Variants in GPR158 observed in about 807,000 individuals in gnomAD.
The protein encoded by GPR158 is G protein-coupled receptor 158, also known as metabotropic glycine receptor.
A neutral mutation model predicts 78.2 loss-of-function variants in GPR158; 30 were observed. That is an observed-to-expected ratio of 0.38 (90% confidence interval 0.29 to 0.52). The LOEUF is 0.52. GPR158 is among the 20% of genes least tolerant of loss of function. GPR158 has a pLI of 0.83. For missense variants in GPR158, 1,463 were observed against 1,523.5 expected, an observed-to-expected ratio of 0.96 and a Z score of 0.66; for synonymous variants, 581 against 591.1, an observed-to-expected ratio of 0.98 and a Z score of 0.25.
intron 2 of GPR158, among the ~76,000 whole-genome samples, chr10:25,290,463 A>G (rs76592919): frequency 0.011 from 1,744 of 152,318 alleles, 36 homozygotes; most frequent in African/African-American, 0.04. Flanking sequence ...TAAGAGCAGA[A>G]GAGGACAATT....
At chr10:25,442,454 A>T (rs1835080684) in intron 4 of GPR158, among the ~76,000 whole-genome samples, 1 of 151,918 alleles carries the variant, frequency 6.6e-6, no homozygotes, top group Admixed American at 6.6e-5. Context: ...TGAACCCAGA[A>T]CCCTCTCTTC....
intron 4 of GPR158, among the ~76,000 whole-genome samples, chr10:25,458,879 G>A (rs1020949554): frequency 6.6e-6 from 1 of 151,966 alleles, no homozygotes; most frequent in Non-Finnish European, 1.5e-5. Context: ...CTTTTTTATT[G>A]CTGAGAATTC....
chr10:25,266,920 C>G (rs1483599547), intron 2 of GPR158, among the ~76,000 whole-genome samples: 1 of 152,058 alleles, frequency 6.6e-6, no homozygotes, highest in East Asian at 1.9e-4. Context: ...ATTGTTTTAT[C>G]TTAATTTTGC....
chr10:25,253,730 T>C (rs1021520325), intron 2 of GPR158, among the ~76,000 whole-genome samples: 1 of 152,178 alleles, frequency 6.6e-6, no homozygotes, highest in African/African-American at 2.4e-5. Flanking sequence ...TTCTGAGCTG[T>C]GTTGCAATTA....
At chr10:25,421,059 C>T (rs2130560764) in intron 4 of GPR158, among the ~76,000 whole-genome samples, 1 of 152,264 alleles carries the variant, frequency 6.6e-6, no homozygotes, top group Non-Finnish European at 1.5e-5. Flanking sequence ...GTAGTATTGA[C>T]ATCTTAACAG....
intron 4 of GPR158, among the ~76,000 whole-genome samples, chr10:25,427,913 T>G (rs1323788841): frequency 6.6e-6 from 1 of 152,106 alleles, no homozygotes; most frequent in East Asian, 1.9e-4. Context: ...TTCATGGTTT[T>G]AATGAATTTA....
At chr10:25,253,145 T>G (rs906348149) in intron 2 of GPR158, among the ~76,000 whole-genome samples, 2 of 152,242 alleles carry the variant, frequency 1.3e-5, no homozygotes, top group Admixed American at 6.5e-5. Flanking sequence ...GCTTCCCAGG[T>G]GAGGCAATGC....
intron 2 of GPR158, among the ~76,000 whole-genome samples, chr10:25,246,700 C>G (rs150134721): frequency 1.3e-5 from 2 of 152,248 alleles, no homozygotes; most frequent in Non-Finnish European, 2.9e-5. Context: ...CTTCTAAATA[C>G]TAGACCTGGC....
intron 7 of GPR158, among the ~76,000 whole-genome samples, chr10:25,574,269 A>C (rs1837057624): frequency 6.6e-6 from 1 of 152,020 alleles, no homozygotes. Flanking sequence ...GAGACCTTTA[A>C]AAAATTTATT....
Position 25,176,052 on chromosome 10 carries a change from C to T in GPR158, c.632C>T (p.Pro211Leu). ...CTCCAAGACCTGTCCTCCTCCGCAC[C>T]CCACCTGGCCAACGCCACTCTGGAG... ...ILLQDLSSSA[P>L]HLANATLETE... The change falls in exon 1 of 11, where the codon CCC (proline) becomes CTC (leucine). Residue 211 changes from proline to leucine, a missense_variant. By Grantham distance (98) the Pro-to-Leu change is moderately conservative. Transcript: ENST00000376351. This position sits in a 1 kb window ranked among gnomAD's most constrained non-coding sequence, Gnocchi z 6.3. 6.2e-7 allele frequency: 1 copy of T among 1,607,796 alleles called. No homozygotes were observed. Among genetic ancestry groups the T allele is most frequent in the Non-Finnish European group, 8.5e-7 (1 of 1,177,616 alleles).
At position 25,253,267 on chromosome 10, in the gene GPR158, C is replaced by T. The variant is rs765888920; in HGVS notation, c.1008+32110C>T. On this transcript the variant is annotated intron_variant, in intron 2 of 10. Transcript: ENST00000376351. The stretch of plus-strand genomic sequence containing the variant: ...CCTCAGATGGAAATGCAGAAATCAC[C>T]GGTCTTCTGCGTCGGTCACGCTGGG... Among the ~76,000 whole-genome samples the T allele has an allele frequency of 3.3e-5, 5 of 152,122 alleles. No individual in the cohort carries two copies. The South Asian group carries it at 6.2e-4, about 19-fold the overall frequency.
intron 5 of GPR158, among the ~76,000 whole-genome samples, chr10:25,499,018 A>C (rs1027007521): frequency 6.6e-6 from 1 of 152,220 alleles, no homozygotes; most frequent in African/African-American, 2.4e-5. Context: ...GGAAGAATAC[A>C]GAATTGAATT....
intron 1 of GPR158, among the ~76,000 whole-genome samples, chr10:25,211,654 A>G (rs1853132499): frequency 6.6e-6 from 1 of 152,208 alleles, no homozygotes; most frequent in Non-Finnish European, 1.5e-5. Context: ...TCTGGGGGAC[A>G]CATTTAAGCC....
chr10:25,338,464 G>A (rs1033620569), intron 2 of GPR158, among the ~76,000 whole-genome samples: 8 of 131,016 alleles, frequency 6.1e-5, no homozygotes, highest in African/African-American at 1.3e-4. Flanking sequence ...TATATATTAC[G>A]TATATTATAC....
intron 2 of GPR158, among the ~76,000 whole-genome samples, chr10:25,323,076 A>G (rs538937638): frequency 6.6e-6 from 1 of 152,102 alleles, no homozygotes; most frequent in African/African-American, 2.4e-5. Context: ...CGATCTCCTG[A>G]CCTTGTGATC....
chr10:25,380,584 C>T (rs986519131), intron 2 of GPR158, among the ~76,000 whole-genome samples: 2 of 152,066 alleles, frequency 1.3e-5, no homozygotes, highest in Admixed American at 1.3e-4. Context: ...TTGTAAGTTA[C>T]ATTCATCTTC....
intron 2 of GPR158, among the ~76,000 whole-genome samples, chr10:25,266,907 T>G (rs1854052304): frequency 6.6e-6 from 1 of 152,206 alleles, no homozygotes; most frequent in Non-Finnish European, 1.5e-5. Flanking sequence ...TTAATTCACA[T>G]TGATTGTTTT....
At chr10:25,519,710 C>T (rs1164232140) in intron 5 of GPR158, among the ~76,000 whole-genome samples, 55 of 129,084 alleles carry the variant, frequency 4.3e-4, no homozygotes, top group Non-Finnish European at 7.5e-4. Context: ...CCCCCACTCT[C>T]TTCTGGCTTG....
At chr10:25,374,235 T>G (rs552231335) in intron 2 of GPR158, among the ~76,000 whole-genome samples, 58 of 151,610 alleles carry the variant, frequency 3.8e-4, no homozygotes, top group African/African-American at 1.3e-3. Context: ...TTTTGTTATT[T>G]TATATATAAT....
Sources: gnomAD v4.1 joint callset for allele counts (sites outside exome capture counted in the v4.1 genomes callset) on GRCh38, gnomAD v4.1.1 for gene constraint, Gnocchi (gnomAD v3.1) non-coding constraint, MANE v1.5 for transcripts, NCBI Gene and HGNC (gene_info 2026-07-23, HGNC 2026-07-21) for gene names.